The following ZFYVE28 variants were observed in gnomAD, a reference collection of about 807,000 sequenced individuals.
The protein encoded by ZFYVE28 is lateral signaling target protein 2 homolog.
ZFYVE28 carries 40 observed loss-of-function variants against 82.1 expected under a neutral mutation model. The ratio of observed to expected loss-of-function variants is 0.49; its 90% CI spans 0.38 to 0.63. ZFYVE28 has a LOEUF of 0.63. Ranked by LOEUF, ZFYVE28 falls within the 30% of genes least tolerant of loss-of-function variation. ZFYVE28 has a pLI of 0.00. For missense variants in ZFYVE28, 1,321 were observed against 1,242.1 expected, an observed-to-expected ratio of 1.06 and a Z score of -0.96; for synonymous variants, 612 against 546.1, an observed-to-expected ratio of 1.12 and a Z score of -1.68.
chr4:2,318,131 G>T (rs1289668999), intron 7 of ZFYVE28, among the ~76,000 whole-genome samples: 1 of 152,176 alleles, frequency 6.6e-6, no homozygotes, highest in Non-Finnish European at 1.5e-5. Context: ...CCTGGGCCCT[G>T]GACAAGCCTG....
intron 7 of ZFYVE28, among the ~76,000 whole-genome samples, chr4:2,315,571 C>A (rs1173930794): frequency 6.6e-6 from 1 of 152,246 alleles, no homozygotes; most frequent in Non-Finnish European, 1.5e-5. Flanking sequence ...CTGTGCCCAA[C>A]CTCCTTCGGC....
At chr4:2,277,314 T>C (rs529073668) in intron 8 of ZFYVE28, among the ~76,000 whole-genome samples, 2 of 152,068 alleles carry the variant, frequency 1.3e-5, no homozygotes, top group African/African-American at 2.4e-5. Context: ...ACCCCGTCTC[T>C]AATAAAATAC....
intron 8 of ZFYVE28, among the ~76,000 whole-genome samples, chr4:2,293,520 G>A (rs531147916): frequency 4.6e-5 from 7 of 152,220 alleles, no homozygotes; most frequent in East Asian, 1.9e-4. Flanking sequence ...TTGGGAGGCC[G>A]AGGCAGGTGG....
intron 8 of ZFYVE28, among the ~76,000 whole-genome samples, chr4:2,291,700 C>T (rs1042944575): frequency 6.6e-6 from 1 of 152,162 alleles, no homozygotes; most frequent in Non-Finnish European, 1.5e-5. Flanking sequence ...GGACTCTGCC[C>T]AGCTCCTTCT....
At chr4:2,361,173 C>G (rs575682124) in intron 1 of ZFYVE28, among the ~76,000 whole-genome samples, 2 of 152,244 alleles carry the variant, frequency 1.3e-5, no homozygotes, top group African/African-American at 4.8e-5. Context: ...TAAAAGGAGT[C>G]AAACCCGTAA....
At chr4:2,386,745 A>G (rs879426366) in intron 1 of ZFYVE28, among the ~76,000 whole-genome samples, 1 of 152,240 alleles carries the variant, frequency 6.6e-6, no homozygotes, top group Middle Eastern at 3.2e-3. Context: ...AGAAACCCAA[A>G]TGCCTTTTCT....
intron 8 of ZFYVE28, among the ~76,000 whole-genome samples, chr4:2,289,206 T>C (rs1713216300): frequency 6.6e-6 from 1 of 151,960 alleles, no homozygotes; most frequent in Non-Finnish European, 1.5e-5. Flanking sequence ...TGCTTTAACC[T>C]GGGAGGCAGA....
intron 1 of ZFYVE28, among the ~76,000 whole-genome samples, chr4:2,405,118 C>T (rs1047901112): frequency 6.6e-6 from 1 of 152,184 alleles, no homozygotes; most frequent in African/African-American, 2.4e-5. Context: ...GAATTTGTCC[C>T]CAAAGGCATA....
chr4:2,274,796 A>T lies in ZFYVE28; in HGVS notation c.2052-580T>A, dbSNP rs531817700. ...AGGACACAGACACAGAGGGCAGGAG[A>T]GCCCATGTGACCACGGAGGCTGAGA... is the stretch of plus-strand genomic sequence containing the variant. On this transcript the variant is annotated intron_variant, in intron 8 of 12. Coordinates refer to ENST00000290974, the MANE Select transcript of ZFYVE28 (RefSeq NM_020972.3). Among the ~76,000 whole-genome samples, 6 of 150,760 alleles carry T rather than the reference A, an allele frequency of 4.0e-5. No homozygotes were observed. The South Asian group carries it at 8.3e-4, about 21-fold the overall frequency.
In ZFYVE28 at chr4:2,304,343, A is replaced by G; in HGVS notation, c.1997T>C (p.Leu666Pro). 1 of 1,607,560 alleles carries G rather than the reference A, an allele frequency of 6.2e-7. No homozygotes were observed. Among genetic ancestry groups the G allele is most frequent in the Non-Finnish European group, 8.5e-7 (1 of 1,179,580 alleles). ...GTGAGCCGAGGGGCTCCCAGCATGC[A>G]GCTCTCTGGCCTCTGGCTCCTGCTG... ...AGQQEPEARE[L>P]HAGSPSAHEA... is the part of the protein sequence containing the mutation. Residue 666 changes from leucine to proline, a missense_variant, in exon 8 of 13, where the codon CTG becomes CCG. Leu to Pro is a moderately conservative substitution (Grantham distance 98). Transcript: ENST00000290974.
In ZFYVE28 at chr4:2,320,110, G is replaced by A. The variant is rs570050444; in HGVS notation, c.803+60C>T. On this transcript the variant is annotated intron_variant, in intron 7 of 12. Transcript: ENST00000290974. This position sits in a 1 kb window ranked among gnomAD's most constrained non-coding sequence, Gnocchi z 5.1. ...GGCGGCGGCTAAACATGACTTCAGC[G>A]CCCACCTGTGGCCCTCCTGTCCCCC... is the stretch of plus-strand genomic sequence containing the variant. 1.1e-4 allele frequency: 170 copies of A among 1,529,928 alleles called. No individual in the cohort carries two copies. The Admixed American group carries it at 2.7e-3, about 24-fold the overall frequency. The allele number at this position is 1,529,928 out of a possible 1,614,324, so 94.8% of individuals were successfully genotyped here. A position where few individuals can be genotyped will look rare whatever the true frequency, so the allele number is the denominator to read the frequency against.
Position 2,404,857 on chromosome 4 carries a change from C to CTTTTT in ZFYVE28, c.39+13423_39+13427dup, listed in dbSNP as rs11404626. Among the ~76,000 whole-genome samples, 243 of 110,958 alleles carry CTTTTT rather than the reference C, an allele frequency of 2.2e-3. 11 individuals are homozygous for CTTTTT. The highest frequency in any genetic ancestry group is 0.019 in the Middle Eastern group (3 of 156). 72.8% of individuals were successfully genotyped at this position (110,958 alleles called of 152,430 possible). ...TGCATTTCACCCTCTCAGTCTCGCT[C>CTTTTT]TTTTTTTTTTTTTTTTTTTTGAGAG... On this transcript the variant is annotated intron_variant, in intron 1 of 12. Coordinates refer to ENST00000290974, the MANE Select transcript of ZFYVE28 (RefSeq NM_020972.3).
intron 1 of ZFYVE28, among the ~76,000 whole-genome samples, chr4:2,383,668 C>G (rs972329226): frequency 6.6e-6 from 1 of 152,220 alleles, no homozygotes; most frequent in African/African-American, 2.4e-5. Flanking sequence ...CTTCAAGTGT[C>G]AAAGCCTTGG....
intron 1 of ZFYVE28, chr4:2,406,596 A>G (rs1731945138): frequency 6.6e-6 from 1 of 152,120 alleles, no homozygotes; most frequent in Admixed American, 6.5e-5. Flanking sequence ...CGCCTGGTTC[A>G]CCTTTTCTGC....
At chr4:2,365,905 C>T (rs553316892) in intron 1 of ZFYVE28, among the ~76,000 whole-genome samples, 3 of 152,324 alleles carry the variant, frequency 2.0e-5, no homozygotes, top group Non-Finnish European at 2.9e-5. Context: ...TGGGGGCTCC[C>T]CTCTACCTAC....
chr4:2,373,931 C>T (rs866146225), intron 1 of ZFYVE28, among the ~76,000 whole-genome samples: 9 of 152,276 alleles, frequency 5.9e-5, no homozygotes, highest in African/African-American at 1.9e-4. Context: ...CTCCCTGTGT[C>T]CTCTCTCCTC....
chr4:2,337,877 T>TACACACACACACCCAC (rs112496153), intron 4 of ZFYVE28, among the ~76,000 whole-genome samples: 1 of 150,974 alleles, frequency 6.6e-6, no homozygotes, highest in Non-Finnish European at 1.5e-5. Flanking sequence ...TCTCTTAAAA[T>TACACACACACACCCAC]ACACACACAC....
At chr4:2,309,952 T>G (rs1282740345) in intron 7 of ZFYVE28, among the ~76,000 whole-genome samples, 2 of 152,216 alleles carry the variant, frequency 1.3e-5, no homozygotes. Context: ...AATTATATGA[T>G]TTTTCTTCCA....
At chr4:2,360,490 C>T (rs1289416234) in intron 1 of ZFYVE28, among the ~76,000 whole-genome samples, 2 of 151,944 alleles carry the variant, frequency 1.3e-5, no homozygotes, top group African/African-American at 4.8e-5. Flanking sequence ...CCTGAGCTAG[C>T]GTCCCGGCCA....
Sources: allele counts gnomAD v4.1 joint callset (sites outside exome capture counted in the v4.1 genomes callset), GRCh38; gene constraint gnomAD v4.1.1; non-coding constraint Gnocchi (gnomAD v3.1); transcripts MANE v1.5; gene names NCBI Gene and HGNC (gene_info 2026-07-23, HGNC 2026-07-21).